ZNHIT3: variants seen among roughly 807,000 people sequenced by gnomAD.
ZNHIT3 encodes zinc finger HIT domain-containing protein 3.
A neutral mutation model predicts 19.9 loss-of-function variants in ZNHIT3; 27 were observed. That is an observed-to-expected ratio of 1.36 (90% CI 1.00 to 1.87). ZNHIT3 has a LOEUF of 1.87. Among genes scored for constraint, ZNHIT3 ranks in the 40% most tolerant of loss-of-function variants. The pLI is 0.00. For missense variants in ZNHIT3, 215 were observed against 185.6 expected (o/e 1.16, Z -0.92); for synonymous variants, 81 against 65.7 (o/e 1.23, Z -1.13).
intron 2 of ZNHIT3, 93 bp downstream of exon 2, chr17:36,487,059 G>C (rs1005820669): frequency 6.5e-6 from 10 of 1,527,152 alleles, no homozygotes; most frequent in South Asian, 4.9e-5. Flanking sequence ...CTTGGGCTGC[G>C]CTTCCTTTCC....
chr17:36,492,567 G>A (rs2070751312), intron 2 of ZNHIT3: 2 of 487,794 alleles, frequency 4.1e-6, no homozygotes, highest in East Asian at 3.4e-5. Context: ...TGTAAGATTC[G>A]GCAGGGTAGG....
Position 36,495,426 on chromosome 17 carries a change from C to G in ZNHIT3, c.*22C>G. The G allele has an allele frequency of 6.4e-7, 1 of 1,563,964 alleles. No homozygotes were observed. The highest frequency in any genetic ancestry group is 8.7e-7 in the Non-Finnish European group (1 of 1,155,596). The stretch of plus-strand genomic sequence containing the variant: ...TTAAGATGGATTATTGTGCTGCTTG[C>G]TCAAGCGTGTGCTTGACTCCTGGAA... On this transcript the variant is annotated 3_prime_UTR_variant, in exon 5 of 5. Coordinates refer to ENST00000617429, the MANE Select transcript of ZNHIT3 (RefSeq NM_004773.4).
chr17:36,495,917 A>G, downstream of ZNHIT3: 2 of 1,162,882 alleles, frequency 1.7e-6, no homozygotes, highest in Non-Finnish European at 2.2e-6. Flanking sequence ...TTCTTCCAAA[A>G]GTGCTTATGT....
chr17:36,497,661 T>C, downstream of ZNHIT3: 1 of 452,908 alleles, frequency 2.2e-6, no homozygotes, highest in African/African-American at 2.1e-5. Context: ...CTCGGCTCAC[T>C]GCAACCTCTC....
chr17:36,497,389 GA>G (rs886938719), downstream of ZNHIT3, among the ~76,000 whole-genome samples: 11 of 151,426 alleles, frequency 7.3e-5, no homozygotes, highest in Non-Finnish European at 1.5e-4. Flanking sequence ...GCCAGAAAAG[GA>G]AAAAACCAAG....
rs760208716 is a variant in ZNHIT3 at position 36,495,419 on chromosome 17, C to T, written c.*15C>T. On this transcript the variant is annotated 3_prime_UTR_variant, in exon 5 of 5. Transcript: ENST00000617429. ...AGGAGTCTTAAGATGGATTATTGTG[C>T]TGCTTGCTCAAGCGTGTGCTTGACT... 4 of 1,577,586 alleles carry T rather than the reference C, an allele frequency of 2.5e-6. No individual in the cohort carries two copies. In the African/African-American group the frequency reaches 4.1e-5, roughly 16 times the overall value.
intron 4 of ZNHIT3, 71 bp downstream of exon 4, chr17:36,494,077 AAG>A (rs1288856221): frequency 6.3e-6 from 8 of 1,276,866 alleles, no homozygotes; most frequent in Admixed American, 1.8e-5. Context: ...ATTTTTTAAA[AAG>A]TTTTTAATTT....
At chr17:36,496,327 G>GTAA, downstream of ZNHIT3, 6 of 1,614,006 alleles carry the variant, frequency 3.7e-6, no homozygotes, top group Non-Finnish European at 5.1e-6. Flanking sequence ...ATTAAAGCCT[G>GTAA]TAATGCTGTA....
At chr17:36,487,890 G>C (rs956506251) in intron 2 of ZNHIT3, among the ~76,000 whole-genome samples, 2 of 151,936 alleles carry the variant, frequency 1.3e-5, no homozygotes, top group African/African-American at 4.8e-5. Flanking sequence ...GATCATTTGA[G>C]CTCAGGAGTT....
In ZNHIT3 at chr17:36,494,876, G is replaced by A. The variant is rs1422261147; in HGVS notation, c.287-347G>A. Among the ~76,000 whole-genome samples the A allele has an allele frequency of 2.6e-5, 4 of 152,306 alleles. No homozygotes were observed. The East Asian group carries it at 5.8e-4, about 22-fold the overall frequency. Reference sequence around the variant, plus strand: ...ATGCTACTATTTGCTTTGTGATTGTGCTGATAAAGCATTTTTTTCTTAGCT... The same window carrying A: ...ATGCTACTATTTGCTTTGTGATTGTACTGATAAAGCATTTTTTTCTTAGCT... On this transcript the variant is annotated intron_variant, in intron 4 of 4. Coordinates refer to ENST00000617429, the MANE Select transcript of ZNHIT3 (RefSeq NM_004773.4).
intron 2 of ZNHIT3, among the ~76,000 whole-genome samples, chr17:36,487,548 CT>C (rs1395155350): frequency 2.6e-5 from 4 of 152,216 alleles, no homozygotes; most frequent in African/African-American, 9.6e-5. Context: ...GGTCCCGGCA[CT>C]TTGAGAGGCC....
intron 3 of ZNHIT3, 87 bp from the exon 4 acceptor site, chr17:36,493,839 A>G: frequency 2.2e-6 from 2 of 912,472 alleles, no homozygotes; most frequent in African/African-American, 1.6e-5. Context: ...GCGTGCACAC[A>G]TTTTTATCCT....
downstream of ZNHIT3, chr17:36,499,251 C>A: frequency 1.2e-4 from 92 of 759,782 alleles, no homozygotes; most frequent in Non-Finnish European, 1.5e-4. Context: ...CAGTTGCTGT[C>A]AAAGTTTCAA....
chr17:36,494,821 TAGAA>T (rs1417248177), intron 4 of ZNHIT3, among the ~76,000 whole-genome samples: 2 of 152,210 alleles, frequency 1.3e-5, no homozygotes, highest in African/African-American at 2.4e-5. Flanking sequence ...CTTTTATGGC[TAGAA>T]AGAAAGAAAA....
At chr17:36,493,375 G>C (rs1436204256) in intron 3 of ZNHIT3, 1 of 178,646 alleles carries the variant, frequency 5.6e-6, no homozygotes, top group Non-Finnish European at 1.2e-5. Flanking sequence ...ATACCTCCTG[G>C]GTGTCAAGCA....
In ZNHIT3 at chr17:36,486,690, C is replaced by A; in HGVS notation, c.-10C>A. 1 of 1,613,872 alleles carries A rather than the reference C, an allele frequency of 6.2e-7. No homozygotes were observed. Among genetic ancestry groups the A allele is most frequent in the Non-Finnish European group, 8.5e-7 (1 of 1,179,892 alleles). ...CGGCGGCGCAGTGAACAGTCTCCTT[C>A]CACAAAACCATGGCGTCGCTCAAAT... On this transcript the variant is annotated 5_prime_UTR_variant, in exon 1 of 5. Transcript: ENST00000617429.
chr17:36,492,259 T>A (rs1567715770), intron 2 of ZNHIT3: 1 of 154,190 alleles, frequency 6.5e-6, no homozygotes, highest in African/African-American at 2.4e-5. Context: ...GGGATCCTCC[T>A]GCCTCAGCCT....
At chr17:36,491,292 A>G (rs1453831228) in intron 2 of ZNHIT3, 1 of 152,248 alleles carries the variant, frequency 6.6e-6, no homozygotes, top group African/African-American at 2.4e-5. Context: ...CAGATGAGAT[A>G]GGGTGCATTC....
At chr17:36,486,897 C>G (rs1442942421) in intron 1 of ZNHIT3, 38 bp from the exon 2 acceptor site, 21 of 1,598,252 alleles carry the variant, frequency 1.3e-5, no homozygotes, top group Non-Finnish European at 1.7e-5. Context: ...GCCGGGGACC[C>G]TCGGGGCTGA....
Sources: gnomAD v4.1 joint callset for allele counts (sites outside exome capture counted in the v4.1 genomes callset) on GRCh38, gnomAD v4.1.1 for gene constraint, MANE v1.5 for transcripts, NCBI Gene and HGNC (gene_info 2026-07-23, HGNC 2026-07-21) for gene names.